SOX5: variants seen among roughly 807,000 people sequenced by gnomAD.
SOX5 encodes SRY-box transcription factor 5.
A neutral mutation model predicts 92.0 loss-of-function variants in SOX5; 9 were observed. The observed-to-expected ratio is 0.10, with a 90% CI of 0.06 to 0.17. The LOEUF is 0.17. SOX5 is among the 10% of genes least tolerant of loss of function. The pLI, the probability that SOX5 is intolerant of heterozygous loss-of-function variation, is 1.00. For synonymous variants in SOX5, 344 were observed against 336.3 expected (o/e 1.02, Z -0.25); for missense variants, 642 against 944.5 (o/e 0.68, Z 4.20).
At chr12:24,095,758 TAGTG>T (rs751777767) in intron 4 of SOX5, among the ~76,000 whole-genome samples, 4 of 152,232 alleles carry the variant, frequency 2.6e-5, no homozygotes, top group South Asian at 2.1e-4. Flanking sequence ...GTTCTTGTGA[TAGTG>T]AGTGAGTTGT....
intron 4 of SOX5, among the ~76,000 whole-genome samples, chr12:24,066,227 C>G (rs1940720613): frequency 6.6e-6 from 1 of 152,136 alleles, no homozygotes; most frequent in South Asian, 2.1e-4. Context: ...TACATGCATA[C>G]AGGTCTTAAA....
At chr12:23,592,887 T>C (rs1320348045) in intron 9 of SOX5, among the ~76,000 whole-genome samples, 3 of 152,134 alleles carry the variant, frequency 2.0e-5, no homozygotes, top group African/African-American at 7.2e-5. Context: ...GAGACCAGCC[T>C]GACCAACATG....
intron 2 of SOX5, among the ~76,000 whole-genome samples, chr12:23,881,384 C>T (rs2137126623): frequency 6.6e-6 from 1 of 152,224 alleles, no homozygotes; most frequent in East Asian, 1.9e-4. Context: ...CTTCATCATG[C>T]ACAGGTAGAC....
intron 3 of SOX5, among the ~76,000 whole-genome samples, chr12:23,803,739 C>CA (rs1030189892): frequency 9.2e-5 from 14 of 151,822 alleles, no homozygotes; most frequent in Non-Finnish European, 1.6e-4. Flanking sequence ...TATGTAAGCA[C>CA]AAAAAAAATG....
intron 3 of SOX5, among the ~76,000 whole-genome samples, chr12:23,807,682 C>G (rs1001391500): frequency 4.7e-5 from 7 of 149,074 alleles, no homozygotes; most frequent in Non-Finnish European, 1.0e-4. Flanking sequence ...GCTGTGTTGC[C>G]CAGGCTGGGT....
At chr12:23,835,067 A>G (rs1452673966) in intron 3 of SOX5, among the ~76,000 whole-genome samples, 1 of 151,858 alleles carries the variant, frequency 6.6e-6, no homozygotes, top group South Asian at 2.1e-4. Context: ...AGACTCCTCA[A>G]TTTAACTGCT....
At chr12:24,534,254 T>G (rs1425475277) in intron 1 of SOX5, among the ~76,000 whole-genome samples, 1 of 151,366 alleles carries the variant, frequency 6.6e-6, no homozygotes, top group Non-Finnish European at 1.5e-5. Flanking sequence ...TTATTTCTTT[T>G]CTTTGCTTTT....
In SOX5 at chr12:24,290,204, G is replaced by A. The variant is rs186498302; in HGVS notation, c.-173-12892C>T. Among the ~76,000 whole-genome samples, 216 of 152,192 alleles carry A rather than the reference G, an allele frequency of 1.4e-3. 1 individual carries two copies. The highest frequency in any genetic ancestry group is 2.4e-3 in the Non-Finnish European group (162 of 68,006). ...ATAAGCATACTGTTTTTAACAGATG[G>A]CCATTTTATCCTCATATCCAAATCC... On this transcript the variant is annotated intron_variant, in intron 2 of 4. Transcript: ENST00000446891.
intron 3 of SOX5, among the ~76,000 whole-genome samples, chr12:23,809,460 T>A (rs2095838052): frequency 6.6e-6 from 1 of 151,990 alleles, no homozygotes; most frequent in African/African-American, 2.4e-5. Flanking sequence ...ACACCAGTAT[T>A]ACATAAATTT....
intron 12 of SOX5, among the ~76,000 whole-genome samples, chr12:23,545,913 A>C (rs192164394): frequency 6.6e-6 from 1 of 151,026 alleles, no homozygotes; most frequent in African/African-American, 2.4e-5. Context: ...GTTGGCATGC[A>C]CCTATAATCC....
chr12:24,103,627 C>G (rs1489461649), intron 4 of SOX5, among the ~76,000 whole-genome samples: 3 of 152,114 alleles, frequency 2.0e-5, no homozygotes, highest in East Asian at 3.8e-4. Context: ...ATATCATTAT[C>G]TGAATTCACA....
intron 3 of SOX5, among the ~76,000 whole-genome samples, chr12:23,844,073 G>T (rs1430991325): frequency 6.6e-6 from 1 of 152,068 alleles, no homozygotes; most frequent in African/African-American, 2.4e-5. Flanking sequence ...CATAACTTAG[G>T]CTTGCCTACC....
intron 4 of SOX5, among the ~76,000 whole-genome samples, chr12:24,015,788 G>A (rs1953525073): frequency 6.6e-6 from 1 of 152,054 alleles, no homozygotes; most frequent in Non-Finnish European, 1.5e-5. Context: ...CCCAAAAGGA[G>A]GACAGCTAGT....
Position 23,711,914 on chromosome 12 carries a change from C to G in SOX5, c.810+22770G>C, listed in dbSNP as rs369774294. 7.0e-4 allele frequency among the ~76,000 whole-genome samples: 106 copies of G among 152,290 alleles called. 2 individuals are homozygous for G. The South Asian group carries it at 0.021, about 29-fold the overall frequency. ...CCATTTACCAAGTACCCTCTTTTAG[C>G]TGGGCACCATCTTGGTGCTCTAATT... On this transcript the variant is annotated intron_variant, in intron 6 of 14. Coordinates refer to ENST00000451604, the MANE Select transcript of SOX5 (RefSeq NM_006940.6).
At position 24,353,429 on chromosome 12, in the gene SOX5, C is replaced by T. The variant is rs186666975; in HGVS notation, c.-174+15134G>A. Among the ~76,000 whole-genome samples the T allele has an allele frequency of 3.9e-3, 591 of 152,320 alleles. 4 individuals are homozygous for T. The highest frequency in any genetic ancestry group is 0.017 in the Middle Eastern group (5 of 294). ...GCAACAGGCCTAGAGCAACAGCTCT[C>T]ACACTCCTCTTCAACCTCAGAGGAG... On this transcript the variant is annotated intron_variant, in intron 2 of 4. Transcript: ENST00000446891.
At chr12:24,386,711 T>C (rs1242129163) in intron 1 of SOX5, among the ~76,000 whole-genome samples, 3 of 152,200 alleles carry the variant, frequency 2.0e-5, no homozygotes, top group African/African-American at 7.2e-5. Flanking sequence ...TTATTTGACT[T>C]GCAAGTTAAT....
chr12:24,254,506 T>A (rs1311957393), intron 3 of SOX5, among the ~76,000 whole-genome samples: 1 of 151,744 alleles, frequency 6.6e-6, no homozygotes, highest in African/African-American at 2.4e-5. Context: ...GGAAAAAAAA[T>A]CATCTAATAC....
intron 2 of SOX5, among the ~76,000 whole-genome samples, chr12:23,875,290 A>C (rs2096915853): frequency 6.6e-6 from 1 of 151,974 alleles, no homozygotes; most frequent in Non-Finnish European, 1.5e-5. Flanking sequence ...ACTTGCTAAA[A>C]AAATTCAAAG....
At chr12:24,447,509 G>A (rs1309652024) in intron 1 of SOX5, among the ~76,000 whole-genome samples, 3 of 152,042 alleles carry the variant, frequency 2.0e-5, no homozygotes. Flanking sequence ...ATGGGACTCT[G>A]GAACAGAAAA....
Sources: allele counts gnomAD v4.1 joint callset (sites outside exome capture counted in the v4.1 genomes callset), GRCh38; gene constraint gnomAD v4.1.1; transcripts MANE v1.5; gene names NCBI Gene and HGNC (gene_info 2026-07-23, HGNC 2026-07-21).